Variants in WFDC8 observed in about 807,000 individuals in gnomAD.
WFDC8 encodes WAP four-disulfide core domain protein 8.
WFDC8 carries 24 observed loss-of-function variants against 27.0 expected under a neutral mutation model. The ratio of observed to expected loss-of-function variants is 0.89; its 90% CI spans 0.64 to 1.25. The LOEUF is 1.25. Ranked by LOEUF, WFDC8 falls within the 50% of genes most tolerant of loss-of-function variation. WFDC8 has a pLI of 0.00. For synonymous variants in WFDC8, 106 were observed against 99.7 expected (o/e 1.06, Z -0.38); for missense variants, 287 against 295.9 (o/e 0.97, Z 0.22).
At position 45,552,079 on chromosome 20, in the gene WFDC8, C is replaced by A. The variant is rs774383894; in HGVS notation, c.673G>T (p.Val225Leu). The change falls in exon 6 of 6, where the codon GTG becomes TTG. Residue 225 changes from valine (V) to leucine (L), a missense_variant. Physicochemically the swap from Val to Leu is conservative, Grantham distance 32 (BLOSUM62 1). Coordinates refer to ENST00000289953, the MANE Select transcript of WFDC8 (RefSeq NM_130896.3). ...CCACAATGTGAGCAGCACTTTTCCA[C>A]CAATGGGCACTCCTCATCCTGCAGG... is the stretch of plus-strand genomic sequence containing the variant. ...KCLQDEECPL[V>L]EKCCSHCGLK... 9 of 1,614,046 alleles carry A rather than the reference C, an allele frequency of 5.6e-6. No individual in the cohort carries two copies. The highest frequency in any genetic ancestry group is 1.6e-4 in the Middle Eastern group (1 of 6,084).
intron 1 of WFDC8, among the ~76,000 whole-genome samples, chr20:45,570,614 C>T (rs1600898304): frequency 6.6e-6 from 1 of 152,094 alleles, no homozygotes; most frequent in African/African-American, 2.4e-5. Flanking sequence ...GAAGCCCATA[C>T]AAACATTCGT....
intron 3 of WFDC8, 59 bp from the exon 4 acceptor site, chr20:45,555,927 A>G: frequency 2.6e-6 from 4 of 1,539,450 alleles, no homozygotes; most frequent in South Asian, 2.3e-5. Flanking sequence ...GAACAGGGTC[A>G]GTTCCCTAGC....
chr20:45,564,629 G>A lies in WFDC8; in HGVS notation c.27-2410C>T, dbSNP rs533828403. 3.3e-5 allele frequency among the ~76,000 whole-genome samples: 5 copies of A among 150,104 alleles called. No homozygotes were observed. The South Asian group carries it at 1.1e-3, about 32-fold the overall frequency. On this transcript the variant is annotated intron_variant, in intron 1 of 5. Coordinates refer to ENST00000289953, the MANE Select transcript of WFDC8 (RefSeq NM_130896.3). ...GCAGAGCTTTCAGTGAGCCGAGATC[G>A]CCGCCACTGCACTCCAGCCTGGGCA...
At chr20:45,578,529 A>G (rs1017533366) in intron 1 of WFDC8, among the ~76,000 whole-genome samples, 1 of 151,314 alleles carries the variant, frequency 6.6e-6, no homozygotes, top group Admixed American at 6.6e-5. Context: ...GAGCTGGCAG[A>G]AACTCACAGT....
At chr20:45,552,424 A>T (rs1052385895) in intron 5 of WFDC8, among the ~76,000 whole-genome samples, 2 of 152,192 alleles carry the variant, frequency 1.3e-5, no homozygotes, top group African/African-American at 4.8e-5. Flanking sequence ...GAATTAATGG[A>T]TCTGGGTTAT....
intron 1 of WFDC8, among the ~76,000 whole-genome samples, chr20:45,571,349 T>G (rs1247350508): frequency 6.6e-6 from 1 of 152,176 alleles, no homozygotes; most frequent in Non-Finnish European, 1.5e-5. Context: ...TTTAAGAAAT[T>G]TATTTTAATT....
At chr20:45,556,228 C>A (rs1043754840) in intron 3 of WFDC8, among the ~76,000 whole-genome samples, 1 of 152,130 alleles carries the variant, frequency 6.6e-6, no homozygotes, top group East Asian at 1.9e-4. Flanking sequence ...TAAAATTTGC[C>A]ATTTGATATT....
intron 4 of WFDC8, among the ~76,000 whole-genome samples, chr20:45,555,128 A>C (rs1412713104): frequency 6.6e-6 from 1 of 152,240 alleles, no homozygotes; most frequent in Non-Finnish European, 1.5e-5. Flanking sequence ...AAATTCAAAG[A>C]AATGAAGAAA....
At chr20:45,560,702 C>T (rs1018800222) in intron 2 of WFDC8, among the ~76,000 whole-genome samples, 5 of 152,208 alleles carry the variant, frequency 3.3e-5, no homozygotes, top group Admixed American at 6.5e-5. Flanking sequence ...ATCCAGGACT[C>T]ACTTCAGGAG....
chr20:45,570,152 A>G (rs1444074855), intron 1 of WFDC8, among the ~76,000 whole-genome samples: 1 of 152,158 alleles, frequency 6.6e-6, no homozygotes, highest in Non-Finnish European at 1.5e-5. Flanking sequence ...GTTTACCTAT[A>G]TAACAAGTCT....
intron 1 of WFDC8, among the ~76,000 whole-genome samples, chr20:45,571,931 T>A (rs972918485): frequency 1.3e-5 from 2 of 152,204 alleles, no homozygotes; most frequent in Non-Finnish European, 2.9e-5. Context: ...AATGCTGCAA[T>A]GAACATAGCA....
At position 45,552,136 on chromosome 20, in the gene WFDC8, A is replaced by T; in HGVS notation, c.616T>A (p.Leu206Met). Residue 206 changes from leucine to methionine, a missense_variant, in exon 6 of 6, where the codon TTG becomes ATG. Coordinates refer to ENST00000289953, the MANE Select transcript of WFDC8 (RefSeq NM_130896.3). ...GGTTTATCAATCTTGGTACATAGCA[A>T]GGGCTTGCGTGGGCAGAAACCTTTT... ...VKKGFCPRKP[L>M]LCTKIDKPKC... The T allele has an allele frequency of 1.9e-6, 3 of 1,614,130 alleles. No individual in the cohort carries two copies. The highest frequency in any genetic ancestry group is 2.5e-6 in the Non-Finnish European group (3 of 1,179,968).
chr20:45,564,665 ACT>A (rs1980585054), intron 1 of WFDC8, among the ~76,000 whole-genome samples: 1 of 127,518 alleles, frequency 7.8e-6, no homozygotes, highest in African/African-American at 3.2e-5. Flanking sequence ...ATAGAGAGAG[ACT>A]CTGTCTCAAA....
At chr20:45,563,774 A>G (rs1980551107) in intron 1 of WFDC8, among the ~76,000 whole-genome samples, 1 of 152,186 alleles carries the variant, frequency 6.6e-6, no homozygotes, top group South Asian at 2.1e-4. Flanking sequence ...AAGTCACTCT[A>G]TGGGTTTGAA....
chr20:45,552,023 T>C lies in WFDC8; in HGVS notation c.*3A>G. On this transcript the variant is annotated 3_prime_UTR_variant, in exon 6 of 6. Transcript: ENST00000289953. ...TTTGATGATAATATTTTCTACTTAC[T>C]ATTCAACGTCTGGGGTCCATACATT... 1.2e-6 allele frequency: 2 copies of C among 1,613,326 alleles called. No homozygotes were observed. The highest frequency in any genetic ancestry group is 1.7e-6 in the Non-Finnish European group (2 of 1,179,686).
intron 3 of WFDC8, among the ~76,000 whole-genome samples, chr20:45,556,168 G>T (rs1256314307): frequency 6.6e-6 from 1 of 152,158 alleles, no homozygotes; most frequent in African/African-American, 2.4e-5. Flanking sequence ...GGCAAGACTT[G>T]TTCAGCAACT....
rs1001042485 is a variant in WFDC8, at chr20:45,553,272, C to T, written c.450G>A (p.Lys150=). 1.2e-6 allele frequency: 2 copies of T among 1,612,794 alleles called. No individual in the cohort carries two copies. The highest frequency in any genetic ancestry group is 2.7e-5 in the African/African-American group (2 of 75,014). Residue 150 remains lysine (K), a synonymous_variant, in exon 5 of 6, where the codon AAG becomes AAA. Coordinates refer to ENST00000289953, the MANE Select transcript of WFDC8 (RefSeq NM_130896.3). ...ACRTACMLIV[K]DGQCPLFPFT... The stretch of plus-strand genomic sequence containing the variant: ...AAGGGAAGAGTGGGCATTGTCCATC[C>T]TTAACTAAAATAAGAGCAGATGTGA...
chr20:45,563,549 A>G (rs969595450), intron 1 of WFDC8, among the ~76,000 whole-genome samples: 1 of 152,184 alleles, frequency 6.6e-6, no homozygotes, highest in Non-Finnish European at 1.5e-5. Flanking sequence ...AATTACTTGA[A>G]CTATTTTTGT....
rs201100933 is a variant in WFDC8, at chr20:45,557,434, G to GT, written c.277+1417dup. On this transcript the variant is annotated intron_variant, in intron 3 of 5. Coordinates refer to ENST00000289953, the MANE Select transcript of WFDC8 (RefSeq NM_130896.3). ...GATGTGTTTTGCTTTATTTTCTTTTGTTTTTTTTTGTTTTTTGAGAAGGAG... is the reference window on the plus strand; with the variant it reads ...GATGTGTTTTGCTTTATTTTCTTTTGTTTTTTTTTTGTTTTTTGAGAAGGAG... 5.8e-3 allele frequency among the ~76,000 whole-genome samples: 883 copies of GT among 151,244 alleles called. 7 individuals carry two copies. Among genetic ancestry groups the GT allele is most frequent in the African/African-American group, 0.016 (644 of 41,182 alleles).
Sources: gnomAD v4.1 joint callset for allele counts (sites outside exome capture counted in the v4.1 genomes callset) on GRCh38, gnomAD v4.1.1 for gene constraint, MANE v1.5 for transcripts, NCBI Gene and HGNC (gene_info 2026-07-23, HGNC 2026-07-21) for gene names.